GRAMD1C: variants seen among roughly 807,000 people sequenced by gnomAD.
The protein encoded by GRAMD1C is GRAM domain containing 1C.
GRAMD1C carries 89 observed loss-of-function variants against 97.8 expected under a neutral mutation model. That is an observed-to-expected ratio of 0.91 (90% confidence interval 0.77 to 1.09). GRAMD1C has a LOEUF of 1.09. Ranked by LOEUF, GRAMD1C falls within the 50% of genes least tolerant of loss-of-function variation. The pLI, the probability that GRAMD1C is intolerant of heterozygous loss-of-function variation, is 0.00. For synonymous variants in GRAMD1C, 256 were observed against 267.0 expected (o/e 0.96, Z 0.40); for missense variants, 740 against 766.4 (o/e 0.97, Z 0.41).
rs772233296 is a variant in GRAMD1C, at chr3:113,841,285, C to CTTTTTTTTTTTTTTTTTTTTTTTT, written c.27+2365_27+2366insTTTTTTTTTTTTTTTTTTTTTTTT. The stretch of plus-strand genomic sequence containing the variant: ...TCACAAAGTACTTCTTTCTTTCTTT[C>CTTTTTTTTTTTTTTTTTTTTTTTT]TTTTTTTTTTTTTTTTGCGAGACAG... On this transcript the variant is annotated intron_variant, in intron 1 of 17. Coordinates refer to ENST00000358160, the MANE Select transcript of GRAMD1C (RefSeq NM_017577.5). 3.2e-5 allele frequency among the ~76,000 whole-genome samples: 3 copies of CTTTTTTTTTTTTTTTTTTTTTTTT among 94,338 alleles called. 1 individual carries two copies. Among genetic ancestry groups the CTTTTTTTTTTTTTTTTTTTTTTTT allele is most frequent in the Non-Finnish European group, 5.9e-5 (3 of 50,426 alleles). The allele number at this position is 94,338 out of a possible 152,430, so 61.9% of individuals were successfully genotyped here.
intron 2 of GRAMD1C, among the ~76,000 whole-genome samples, chr3:113,864,067 G>A (rs1934495647): frequency 6.6e-6 from 1 of 152,066 alleles, no homozygotes; most frequent in Admixed American, 6.6e-5. Flanking sequence ...TTTACTGTAA[G>A]TGGCTAAAAG....
chr3:113,849,146 A>G (rs1002510080), intron 2 of GRAMD1C, among the ~76,000 whole-genome samples: 3 of 152,156 alleles, frequency 2.0e-5, no homozygotes, highest in African/African-American at 7.2e-5. Context: ...GATATAGAGT[A>G]AGCAACTATT....
rs536561297 is a variant in GRAMD1C at position 113,901,931 on chromosome 3, G to A, written c.656+785G>A. 2.2e-4 allele frequency among the ~76,000 whole-genome samples: 33 copies of A among 152,312 alleles called. No homozygotes were observed. In the East Asian group the frequency reaches 5.2e-3, roughly 24 times the overall value. ...TAGAACTGGTAAGTTTATAGAGACA[G>A]AAAGTAAATGGTAGTTGCCAGGAGC... On this transcript the variant is annotated intron_variant, in intron 7 of 17. Coordinates refer to ENST00000358160, the MANE Select transcript of GRAMD1C (RefSeq NM_017577.5).
Position 113,933,614 on chromosome 3 carries a change from A to G in GRAMD1C, c.1313A>G (p.Tyr438Cys), listed in dbSNP as rs765283062. The change falls in exon 12 of 18, where the codon TAC becomes TGC. Residue 438 changes from tyrosine to cysteine, a missense_variant. By Grantham distance (194) the Tyr-to-Cys change is radical. Transcript: ENST00000358160. Reference protein sequence around the residue: ...YHDYFYTVNRYCIIRSSKQKC... With the variant: ...YHDYFYTVNRCCIIRSSKQKC... Reference sequence around the variant, plus strand: ...GATTACTTCTATACCGTGAACAGATACTGTATCATCCGATCTTCAAAACAG... The same window carrying G: ...GATTACTTCTATACCGTGAACAGATGCTGTATCATCCGATCTTCAAAACAG... The G allele has an allele frequency of 6.2e-7, 1 of 1,606,760 alleles. No individual in the cohort carries two copies. The highest frequency in any genetic ancestry group is 8.5e-7 in the Non-Finnish European group (1 of 1,173,356).
intron 5 of GRAMD1C, among the ~76,000 whole-genome samples, chr3:113,878,745 C>T (rs1019620472): frequency 6.6e-6 from 1 of 152,160 alleles, no homozygotes; most frequent in African/African-American, 2.4e-5. Context: ...AGAAACCAGG[C>T]TCCCATTATC....
At chr3:113,868,154 T>G (rs1330246875) in intron 2 of GRAMD1C, among the ~76,000 whole-genome samples, 1 of 152,208 alleles carries the variant, frequency 6.6e-6, no homozygotes, top group African/African-American at 2.4e-5. Context: ...ATCTATTTGC[T>G]TAGGTTCTTT....
chr3:113,928,937 A>T lies in GRAMD1C; in HGVS notation c.1091-1777A>T, dbSNP rs560922800. Among the ~76,000 whole-genome samples, 76 of 150,580 alleles carry T rather than the reference A, an allele frequency of 5.0e-4. 1 individual carries two copies. The South Asian group carries it at 6.6e-3, about 13-fold the overall frequency. On this transcript the variant is annotated intron_variant, in intron 10 of 17. Coordinates refer to ENST00000358160, the MANE Select transcript of GRAMD1C (RefSeq NM_017577.5). The stretch of plus-strand genomic sequence containing the variant: ...AAATAATGCCACCACGAACATTGAC[A>T]TACAACTGTCTGTTCAGGTCCCTGC...
chr3:113,857,866 A>G (rs755423567), intron 2 of GRAMD1C, among the ~76,000 whole-genome samples: 1 of 152,190 alleles, frequency 6.6e-6, no homozygotes, highest in Non-Finnish European at 1.5e-5. Flanking sequence ...GTCAAGTTAT[A>G]TAATTCTTTT....
Position 113,909,045 on chromosome 3 carries a change from T to A in GRAMD1C, c.877T>A (p.Ser293Thr), listed in dbSNP as rs1272866262. ...TLEKKLTRVP[S>T]KSLDLNKNEY... ...GGAAAAGAAGTTAACTAGAGTGCCA[T>A]CAAAGTCACTGGACTTGAATAAAAA... The change falls in exon 9 of 18, where the codon TCA becomes ACA. Residue 293 changes from serine (S) to threonine (T), a missense_variant. Ser to Thr is a moderately conservative substitution (Grantham distance 58). Coordinates refer to ENST00000358160, the MANE Select transcript of GRAMD1C (RefSeq NM_017577.5). 1 of 1,570,452 alleles carries A rather than the reference T, an allele frequency of 6.4e-7. No individual in the cohort carries two copies. The highest frequency in any genetic ancestry group is 1.2e-5 in the South Asian group (1 of 84,920).
intron 6 of GRAMD1C, among the ~76,000 whole-genome samples, chr3:113,891,836 G>A (rs1460453191): frequency 3.3e-5 from 5 of 151,826 alleles, no homozygotes; most frequent in East Asian, 1.9e-4. Context: ...GCAGTGAGCT[G>A]TGACCGTGCC....
intron 6 of GRAMD1C, among the ~76,000 whole-genome samples, chr3:113,884,392 C>A (rs1272972079): frequency 6.6e-6 from 1 of 152,092 alleles, no homozygotes; most frequent in Non-Finnish European, 1.5e-5. Flanking sequence ...GGGAAATTAG[C>A]AAATACTTTG....
At chr3:113,878,717 CT>C (rs1935144501) in intron 5 of GRAMD1C, among the ~76,000 whole-genome samples, 1 of 152,150 alleles carries the variant, frequency 6.6e-6, no homozygotes, top group Non-Finnish European at 1.5e-5. Flanking sequence ...ATATTTGTAA[CT>C]CCCTTCCGTG....
intron 5 of GRAMD1C, among the ~76,000 whole-genome samples, chr3:113,876,531 T>A (rs1043598507): frequency 6.6e-6 from 1 of 152,192 alleles, no homozygotes. Flanking sequence ...TATTTCTAAA[T>A]ACTCTAATAA....
intron 10 of GRAMD1C, among the ~76,000 whole-genome samples, chr3:113,926,124 G>C (rs1255428420): frequency 6.6e-6 from 1 of 152,104 alleles, no homozygotes; most frequent in African/African-American, 2.4e-5. Context: ...AAGTTTTTGT[G>C]GATGATATTT....
At chr3:113,887,728 A>AG (rs1935569060) in intron 6 of GRAMD1C, among the ~76,000 whole-genome samples, 1 of 150,318 alleles carries the variant, frequency 6.7e-6, no homozygotes, top group East Asian at 2.0e-4. Flanking sequence ...AAAAAAAAAA[A>AG]GGAAAATTGA....
chr3:113,861,356 T>C (rs1934367885), intron 2 of GRAMD1C, among the ~76,000 whole-genome samples: 2 of 152,096 alleles, frequency 1.3e-5, no homozygotes, highest in African/African-American at 4.8e-5. Flanking sequence ...TCATTAAAAT[T>C]AGTGCCATGT....
intron 11 of GRAMD1C, among the ~76,000 whole-genome samples, chr3:113,932,397 T>C (rs1577220155): frequency 6.6e-6 from 1 of 152,204 alleles, no homozygotes; most frequent in Admixed American, 6.5e-5. Context: ...GTAGAAAAGG[T>C]ATGGTTAAAA....
intron 10 of GRAMD1C, among the ~76,000 whole-genome samples, chr3:113,929,859 A>G (rs190093872): frequency 3.9e-5 from 6 of 152,256 alleles, no homozygotes; most frequent in Non-Finnish European, 7.4e-5. Flanking sequence ...GATGAGTATA[A>G]TGGGGTTAGA....
rs375459236 is a variant in GRAMD1C, at chr3:113,852,397, A to G, written c.174+7748A>G. 9.8e-5 allele frequency among the ~76,000 whole-genome samples: 15 copies of G among 152,318 alleles called. 1 individual carries two copies. The East Asian group carries it at 1.9e-3, about 20-fold the overall frequency. On this transcript the variant is annotated intron_variant, in intron 2 of 17. Transcript: ENST00000358160. ...TTAAAAAAACATTTTATCCAATTTG[A>G]AAAATTTTAAGTATAGTTAGATACT...
Sources: gnomAD v4.1 joint callset for allele counts (sites outside exome capture counted in the v4.1 genomes callset) on GRCh38, gnomAD v4.1.1 for gene constraint, MANE v1.5 for transcripts, NCBI Gene and HGNC (gene_info 2026-07-23, HGNC 2026-07-21) for gene names.